VIT: variants seen among roughly 807,000 people sequenced by gnomAD.
The protein encoded by VIT is vitrin.
VIT carries 99 observed loss-of-function variants against 78.0 expected under a neutral mutation model. The ratio of observed to expected loss-of-function variants is 1.27; its 90% CI spans 1.08 to 1.50. VIT has a LOEUF of 1.50. Among genes scored for constraint, VIT ranks in the 40% most tolerant of loss-of-function variants. The probability of loss-of-function intolerance (pLI) is 0.00; values close to 1 mark genes in which losing one functional copy is unlikely to be tolerated. For synonymous variants in VIT, 374 were observed against 334.3 expected (o/e 1.12, Z -1.29); for missense variants, 1,126 against 875.3 (o/e 1.29, Z -3.61).
chr2:36,725,513 G>C (rs1459425366), intron 2 of VIT, among the ~76,000 whole-genome samples: 1 of 142,774 alleles, frequency 7.0e-6, no homozygotes, highest in Non-Finnish European at 1.5e-5. Flanking sequence ...AGGGCTCACT[G>C]TCAAGACCTG....
At chr2:36,735,424 T>G (rs991445464) in intron 3 of VIT, among the ~76,000 whole-genome samples, 1 of 152,152 alleles carries the variant, frequency 6.6e-6, no homozygotes, top group Non-Finnish European at 1.5e-5. Flanking sequence ...ATTGCTGGGG[T>G]AGGGGGTGGA....
intron 5 of VIT, among the ~76,000 whole-genome samples, 197 bp downstream of exon 5, chr2:36,755,251 A>G (rs1668694309): frequency 6.6e-6 from 1 of 152,240 alleles, no homozygotes; most frequent in South Asian, 2.1e-4. Context: ...ATCTGAAAAT[A>G]CTAAAAGGCT....
chr2:36,814,246 C>A lies in VIT; in HGVS notation c.1967C>A (p.Thr656Asn). 6.2e-7 allele frequency: 1 copy of A among 1,614,248 alleles called. No individual in the cohort carries two copies. Among genetic ancestry groups the A allele is most frequent in the Non-Finnish European group, 8.5e-7 (1 of 1,180,042 alleles). ...CAAGAGGAGCTAGAAGTCATTGCCA[C>A]TCACCCCGCCAGAGACCACTCCTTC... ...AAQEELEVIA[T>N]HPARDHSFFV... The change falls in exon 16 of 16, where the codon ACT becomes AAT. Residue 656 changes from threonine to asparagine, a missense_variant. Thr to Asn is a moderately conservative substitution (Grantham distance 65, BLOSUM62 0). Coordinates refer to ENST00000379242, the MANE Select transcript of VIT (RefSeq NM_053276.4).
chr2:36,751,798 G>A (rs1668480944), intron 4 of VIT, among the ~76,000 whole-genome samples: 1 of 152,158 alleles, frequency 6.6e-6, no homozygotes. Flanking sequence ...CCAGACTAGT[G>A]ACTGATATAG....
At chr2:36,773,488 G>C (rs889429333) in intron 7 of VIT, among the ~76,000 whole-genome samples, 5 of 152,100 alleles carry the variant, frequency 3.3e-5, no homozygotes, top group Non-Finnish European at 5.9e-5. Context: ...CTCATGCCTT[G>C]GGAGGCTGAG....
intron 12 of VIT, among the ~76,000 whole-genome samples, chr2:36,789,191 G>A (rs541063738): frequency 3.9e-4 from 60 of 152,216 alleles, no homozygotes; most frequent in African/African-American, 1.3e-3. Context: ...GCAATGCACC[G>A]CTGACAGGTG....
chr2:36,722,012 T>C (rs2148464418), intron 2 of VIT, among the ~76,000 whole-genome samples: 1 of 152,378 alleles, frequency 6.6e-6, no homozygotes, highest in South Asian at 2.1e-4. Flanking sequence ...AGGCACTCAA[T>C]AAATATTTCT....
chr2:36,808,243 G>A (rs186969047), intron 14 of VIT, among the ~76,000 whole-genome samples: 7 of 152,312 alleles, frequency 4.6e-5, no homozygotes, highest in South Asian at 2.1e-4. Flanking sequence ...TTCCACTAAC[G>A]CAGGCAGGGA....
rs759223384 is a variant in VIT at position 36,805,646 on chromosome 2, G to A, written c.1371G>A (p.Glu457=). The A allele has an allele frequency of 1.2e-6, 2 of 1,613,734 alleles. No individual in the cohort carries two copies. The highest frequency in any genetic ancestry group is 1.1e-5 in the South Asian group (1 of 91,038). The change falls in exon 14 of 16, where the codon GAG becomes GAA. Residue 457 remains glutamate (E), a synonymous_variant. Transcript: ENST00000379242. ...AAAATGAGAAGCAGTATGTGGTGGA[G>A]CCCAACTTTGCAAACAAGGTAGATG... is the stretch of plus-strand genomic sequence containing the variant. ...AAENEKQYVV[E]PNFANKAVCR...
In VIT at chr2:36,801,534, G is replaced by A. The variant is rs183099918; in HGVS notation, c.1162+130G>A. Reference sequence around the variant, plus strand: ...GTCAAGAAATAACTTCTGGTCGGGCGTGGTGGTTCACACCTGTTATCCCAG... The same window carrying A: ...GTCAAGAAATAACTTCTGGTCGGGCATGGTGGTTCACACCTGTTATCCCAG... On this transcript the variant is annotated intron_variant, in intron 13 of 15. Transcript: ENST00000379242. 2.4e-4 allele frequency: 200 copies of A among 838,354 alleles called. 1 individual carries two copies. The East Asian group carries it at 3.7e-3, about 16-fold the overall frequency. 51.9% of individuals were successfully genotyped at this position (838,354 alleles called of 1,614,324 possible).
At chr2:36,698,980 AT>A (rs1185796964) in intron 1 of VIT, among the ~76,000 whole-genome samples, 9 of 133,226 alleles carry the variant, frequency 6.8e-5, no homozygotes, top group Admixed American at 5.8e-4. Flanking sequence ...AAGAAATGTA[AT>A]CTTTTATTCC....
intron 5 of VIT, among the ~76,000 whole-genome samples, chr2:36,756,478 C>G (rs77134515): frequency 0.018 from 2,711 of 152,268 alleles, 72 homozygotes; most frequent in African/African-American, 0.06. Context: ...GTCTTCCAAT[C>G]TGGGTGGTTT....
intron 3 of VIT, among the ~76,000 whole-genome samples, chr2:36,740,256 C>T (rs921627357): frequency 1.3e-5 from 2 of 152,192 alleles, no homozygotes; most frequent in Non-Finnish European, 2.9e-5. Context: ...GAAAGGCCAA[C>T]ATCCGTTTCA....
chr2:36,716,506 C>A, intron 2 of VIT, 84 bp downstream of exon 2: 2 of 1,167,282 alleles, frequency 1.7e-6, no homozygotes, highest in Non-Finnish European at 1.3e-6. Context: ...AGTTTTAAAC[C>A]AAGACAGAGC....
At chr2:36,730,791 T>A (rs987492866) in intron 3 of VIT, among the ~76,000 whole-genome samples, 1 of 152,156 alleles carries the variant, frequency 6.6e-6, no homozygotes, top group African/African-American at 2.4e-5. Flanking sequence ...AGAGGGGACA[T>A]GAGGGGTGGT....
At chr2:36,753,418 C>A (rs981655284) in intron 4 of VIT, among the ~76,000 whole-genome samples, 1 of 152,150 alleles carries the variant, frequency 6.6e-6, no homozygotes, top group Non-Finnish European at 1.5e-5. Context: ...GTCCGCGGCA[C>A]CTTCTCATGT....
chr2:36,775,103 G>A (rs753841763), intron 9 of VIT, 36 bp downstream of exon 9: 6 of 1,610,976 alleles, frequency 3.7e-6, no homozygotes, highest in African/African-American at 2.7e-5. Context: ...CTGCTCCCTA[G>A]GAATTTGCTC....
intron 2 of VIT, among the ~76,000 whole-genome samples, chr2:36,722,884 A>T (rs2148466491): frequency 6.6e-6 from 1 of 152,184 alleles, no homozygotes; most frequent in South Asian, 2.1e-4. Context: ...ATTATTATAA[A>T]TCTATATGAT....
chr2:36,781,826 C>T, intron 10 of VIT, 55 bp downstream of exon 10: 1 of 1,597,762 alleles, frequency 6.3e-7, no homozygotes, highest in Non-Finnish European at 8.6e-7. Flanking sequence ...CGCAGGATAG[C>T]AGAACTAAGA....
Sources: allele counts gnomAD v4.1 joint callset (sites outside exome capture counted in the v4.1 genomes callset), GRCh38; gene constraint gnomAD v4.1.1; transcripts MANE v1.5; gene names NCBI Gene and HGNC (gene_info 2026-07-23, HGNC 2026-07-21).